Variants in C8orf34 observed in about 807,000 individuals in gnomAD.
C8orf34 encodes the protein chromosome 8 open reading frame 34.
A neutral mutation model predicts 68.3 loss-of-function variants in C8orf34; 65 were observed. The ratio of observed to expected loss-of-function variants is 0.95; its 90% CI spans 0.78 to 1.17. The LOEUF is 1.17. Among genes scored for constraint, C8orf34 ranks in the 50% most tolerant of loss-of-function variants. The probability of loss-of-function intolerance (pLI) is 0.00; values close to 1 mark genes in which losing one functional copy is unlikely to be tolerated. For missense variants in C8orf34, 664 were observed against 655.4 expected (o/e 1.01, Z -0.14); for synonymous variants, 244 against 241.2 (o/e 1.01, Z -0.11).
rs115574693 is a variant in C8orf34, at chr8:68,341,751, A to G, written c.327+10412A>G. On this transcript the variant is annotated intron_variant, in intron 1 of 13. Coordinates refer to ENST00000518698, the MANE Select transcript of C8orf34 (RefSeq NM_052958.4). ...CACGTCACCTTCTGTCATGAGTAAA[A>G]CTCCCTGAGGCCGTCCCAGAAGCTG... 8.1e-3 allele frequency among the ~76,000 whole-genome samples: 1,222 copies of G among 151,576 alleles called. 18 individuals are homozygous for G. The highest frequency in any genetic ancestry group is 0.027 in the African/African-American group (1,101 of 41,288).
At chr8:68,744,325 A>G (rs1260568051) in intron 10 of C8orf34, among the ~76,000 whole-genome samples, 3 of 151,624 alleles carry the variant, frequency 2.0e-5, no homozygotes, top group African/African-American at 4.9e-5. Context: ...AAAGCAGAGC[A>G]CCTCTCCTCC....
intron 1 of C8orf34, among the ~76,000 whole-genome samples, chr8:68,420,133 C>T (rs1809894060): frequency 6.6e-6 from 1 of 150,930 alleles, no homozygotes; most frequent in Non-Finnish European, 1.5e-5. Context: ...CTACTTTTTC[C>T]TTGAGAGAAT....
chr8:68,443,448 G>T (rs1810993749), intron 2 of C8orf34, among the ~76,000 whole-genome samples: 1 of 152,130 alleles, frequency 6.6e-6, no homozygotes. Flanking sequence ...AGGCTGGAGT[G>T]CAGTGGCATG....
chr8:68,424,325 C>G (rs565197500), intron 1 of C8orf34, among the ~76,000 whole-genome samples: 1 of 152,068 alleles, frequency 6.6e-6, no homozygotes, highest in African/African-American at 2.4e-5. Context: ...TCAACCTAAA[C>G]GGGGCAACTG....
chr8:68,565,914 GA>G lies in C8orf34; in HGVS notation c.1105+32768del, dbSNP rs200890848. 6.8e-3 allele frequency among the ~76,000 whole-genome samples: 1,040 copies of G among 152,196 alleles called. 16 individuals carry two copies. Among genetic ancestry groups the G allele is most frequent in the African/African-American group, 0.023 (966 of 41,536 alleles). ...GTATCCAAAATGGGTAATCATTTAA[GA>G]AACAGGAATCGCTTGAAGGAAGATA... On this transcript the variant is annotated intron_variant, in intron 7 of 13. Coordinates refer to ENST00000518698, the MANE Select transcript of C8orf34 (RefSeq NM_052958.4).
chr8:68,340,300 TTAAA>T lies in C8orf34; in HGVS notation c.327+8966_327+8969del, dbSNP rs1255562944. On this transcript the variant is annotated intron_variant, in intron 1 of 13. Transcript: ENST00000518698. Reference sequence around the variant, plus strand: ...ACATACATATAATATAATACTATTCTTAAATAAAAACATGAATTAATGATGCACG... The same window carrying T: ...ACATACATATAATATAATACTATTCTTAAAAACATGAATTAATGATGCACG... Among the ~76,000 whole-genome samples, 8 of 152,200 alleles carry T rather than the reference TTAAA, an allele frequency of 5.3e-5. No individual in the cohort carries two copies. In the Middle Eastern group the frequency reaches 0.014, roughly 259 times the overall value.
In C8orf34 at chr8:68,640,482, C is replaced by T. The variant is rs1472136036; in HGVS notation, c.1212C>T (p.Val404=). The part of the protein sequence containing the change: ...PTYPAEPQAK[V]TLNICSRCAR... ...ACCCTGCTGAGCCTCAGGCCAAGGT[C>T]ACACTGAACATCTGTTCAAGGTGTG... The change falls in exon 8 of 14, where the codon GTC becomes GTT. Residue 404 remains valine (V), a synonymous_variant. Transcript: ENST00000518698. 6.2e-7 allele frequency: 1 copy of T among 1,613,860 alleles called. No homozygotes were observed. Among genetic ancestry groups the T allele is most frequent in the Non-Finnish European group, 8.5e-7 (1 of 1,179,874 alleles).
chr8:68,677,775 A>G (rs1033816145), intron 8 of C8orf34, among the ~76,000 whole-genome samples: 95 of 152,330 alleles, frequency 6.2e-4, no homozygotes, highest in African/African-American at 2.2e-3. Flanking sequence ...AGAAAATAAT[A>G]CAAAAGTTCA....
intron 1 of C8orf34, among the ~76,000 whole-genome samples, chr8:68,428,987 T>C (rs1810342212): frequency 6.6e-6 from 1 of 152,134 alleles, no homozygotes; most frequent in Admixed American, 6.5e-5. Flanking sequence ...ACAGTGAAAC[T>C]TTAGAAAATA....
chr8:68,627,554 G>A (rs1818572408), intron 7 of C8orf34, among the ~76,000 whole-genome samples: 1 of 152,166 alleles, frequency 6.6e-6, no homozygotes, highest in African/African-American at 2.4e-5. Flanking sequence ...AGGAAACAAA[G>A]TGTATGCAAT....
chr8:68,491,850 G>A (rs1813327620), intron 5 of C8orf34, among the ~76,000 whole-genome samples: 1 of 152,172 alleles, frequency 6.6e-6, no homozygotes. Flanking sequence ...TCAAATGGTA[G>A]TACCTTTTAT....
chr8:68,705,175 A>G (rs530282470), intron 8 of C8orf34, among the ~76,000 whole-genome samples: 1 of 152,304 alleles, frequency 6.6e-6, no homozygotes, highest in African/African-American at 2.4e-5. Flanking sequence ...CATACAAGTA[A>G]TATGTCCTAT....
At chr8:68,476,142 G>C (rs558334887) in intron 4 of C8orf34, among the ~76,000 whole-genome samples, 22 of 152,192 alleles carry the variant, frequency 1.4e-4, no homozygotes, top group Non-Finnish European at 2.6e-4. Context: ...GCAATTACTT[G>C]TTCATTCATT....
At chr8:68,446,014 A>G (rs1300353275) in intron 2 of C8orf34, among the ~76,000 whole-genome samples, 1 of 152,070 alleles carries the variant, frequency 6.6e-6, no homozygotes, top group Non-Finnish European at 1.5e-5. Context: ...TTGGTCTCGA[A>G]CTCCTGACCT....
At chr8:68,688,669 A>G (rs1585732235) in intron 8 of C8orf34, among the ~76,000 whole-genome samples, 1 of 152,232 alleles carries the variant, frequency 6.6e-6, no homozygotes, top group Admixed American at 6.6e-5. Context: ...AAGGAATGAG[A>G]TCATGTCCTT....
rs1473219932 is a variant in C8orf34 at position 68,818,660 on chromosome 8, C to T, written c.*414C>T. On this transcript the variant is annotated 3_prime_UTR_variant, in exon 14 of 14. Coordinates refer to ENST00000518698, the MANE Select transcript of C8orf34 (RefSeq NM_052958.4). Reference sequence around the variant, plus strand: ...ATTTTTTAGATTACTAAACATTCTACTTATCCACATGTGCCAAGATGTGCC... The same window carrying T: ...ATTTTTTAGATTACTAAACATTCTATTTATCCACATGTGCCAAGATGTGCC... 6.4e-6 allele frequency: 1 copy of T among 157,412 alleles called. No homozygotes were observed. The highest frequency in any genetic ancestry group is 1.9e-4 in the East Asian group (1 of 5,396). 9.8% of individuals were successfully genotyped at this position (157,412 alleles called of 1,614,324 possible).
chr8:68,620,391 G>A (rs1818352086), intron 7 of C8orf34, among the ~76,000 whole-genome samples: 1 of 152,170 alleles, frequency 6.6e-6, no homozygotes, highest in African/African-American at 2.4e-5. Flanking sequence ...GTCAGTGGTA[G>A]AGGGATGCGT....
chr8:68,753,057 G>A (rs896837592), intron 10 of C8orf34, among the ~76,000 whole-genome samples: 3 of 152,124 alleles, frequency 2.0e-5, no homozygotes, highest in Non-Finnish European at 4.4e-5. Context: ...GCAGTATCTT[G>A]TGAAGCTCTG....
rs185867228 is a variant in C8orf34 at position 68,647,869 on chromosome 8, C to T, written c.1241+7358C>T. On this transcript the variant is annotated intron_variant, in intron 8 of 13. Coordinates refer to ENST00000518698, the MANE Select transcript of C8orf34 (RefSeq NM_052958.4). ...CTTGACAGACTTAGTCTGCTGTGAACATTGCTGCAATTTGTGTGATTTAAA... is the reference window on the plus strand; with the variant it reads ...CTTGACAGACTTAGTCTGCTGTGAATATTGCTGCAATTTGTGTGATTTAAA... Among the ~76,000 whole-genome samples, 19 of 152,230 alleles carry T rather than the reference C, an allele frequency of 1.2e-4. No individual in the cohort carries two copies. The East Asian group carries it at 3.7e-3, about 29-fold the overall frequency.
Sources: gnomAD v4.1 joint callset for allele counts (sites outside exome capture counted in the v4.1 genomes callset) on GRCh38, gnomAD v4.1.1 for gene constraint, MANE v1.5 for transcripts, NCBI Gene and HGNC (gene_info 2026-07-23, HGNC 2026-07-21) for gene names.